Variants in CALB2 observed in about 807,000 individuals in gnomAD.
CALB2 encodes the protein calretinin.
A neutral mutation model predicts 45.9 loss-of-function variants in CALB2; 34 were observed. The ratio of observed to expected loss-of-function variants is 0.74; its 90% CI spans 0.56 to 0.99. The LOEUF is 0.99. CALB2 is among the 50% of genes least tolerant of loss of function. The pLI, the probability that CALB2 is intolerant of heterozygous loss-of-function variation, is 0.00. For missense variants in CALB2, 344 were observed against 339.3 expected (o/e 1.01, Z -0.11); for synonymous variants, 142 against 129.6 (o/e 1.10, Z -0.65).
chr16:71,358,836 A>T lies in CALB2; in HGVS notation c.44A>T (p.Glu15Val). 1 of 1,612,692 alleles carries T rather than the reference A, an allele frequency of 6.2e-7. No individual in the cohort carries two copies. The stretch of plus-strand genomic sequence containing the variant: ...CAGCCCCCTTACCTGCACCTGGCCG[A>T]GCTGACGGCGTCCCAGTTCCTGGAA... ...QQQPPYLHLAELTASQFLEIW... is the reference protein window; with the variant it reads ...QQQPPYLHLAVLTASQFLEIW... The change falls in exon 1 of 11, where the codon GAG (glutamate) becomes GTG (valine). Residue 15 changes from glutamate (E) to valine (V), a missense_variant. Glu to Val is a moderately radical substitution (Grantham distance 121). Around this residue, in one of 3 missense-constraint regions of CALB2, gnomAD observed 77 missense variants for 80.5 expected, o/e 0.96. Transcript: ENST00000302628.
intron 1 of CALB2, among the ~76,000 whole-genome samples, chr16:71,360,848 CTGG>C (rs1223940894): frequency 3.3e-5 from 5 of 152,184 alleles, no homozygotes; most frequent in African/African-American, 7.2e-5. Flanking sequence ...GAGCAAGTTA[CTGG>C]TGGGGCTGGT....
intron 4 of CALB2, among the ~76,000 whole-genome samples, chr16:71,380,434 G>A (rs538650797): frequency 2.5e-4 from 36 of 146,150 alleles, no homozygotes; most frequent in African/African-American, 8.3e-4. Flanking sequence ...TCAGCCTCCC[G>A]CCGAGCTCGG....
chr16:71,361,231 C>T (rs1356002849), intron 1 of CALB2, among the ~76,000 whole-genome samples: 4 of 152,014 alleles, frequency 2.6e-5, no homozygotes, highest in South Asian at 2.1e-4. Flanking sequence ...GCCATGGACC[C>T]GACAGAGAAG....
At chr16:71,379,037 G>A (rs1226974014) in intron 4 of CALB2, among the ~76,000 whole-genome samples, 1 of 152,140 alleles carries the variant, frequency 6.6e-6, no homozygotes, top group Non-Finnish European at 1.5e-5. Flanking sequence ...AGCACTTTGG[G>A]AGGCCAAGGC....
At chr16:71,369,849 G>A (rs892886536) in intron 1 of CALB2, among the ~76,000 whole-genome samples, 3 of 152,252 alleles carry the variant, frequency 2.0e-5, no homozygotes, top group Admixed American at 6.5e-5. Context: ...TAGCCAGATC[G>A]CTGCAGGGAG....
intron 10 of CALB2, among the ~76,000 whole-genome samples, chr16:71,386,419 T>C (rs1255500487): frequency 6.6e-6 from 1 of 152,178 alleles, no homozygotes; most frequent in South Asian, 2.1e-4. Flanking sequence ...CTATTCTGGA[T>C]TGATGAACTG....
chr16:71,381,583 G>T (rs78540307), intron 4 of CALB2, among the ~76,000 whole-genome samples: 2 of 152,108 alleles, frequency 1.3e-5, no homozygotes, highest in Non-Finnish European at 2.9e-5. Context: ...GTGGAGAAGT[G>T]GGGGGAGGCA....
intron 8 of CALB2, 55 bp from the exon 9 acceptor site, chr16:71,384,706 ACACACACACACAAACGCACACC>A (rs2042549400): frequency 8.6e-6 from 7 of 815,348 alleles, no homozygotes; most frequent in Admixed American, 2.5e-5. Flanking sequence ...ACACACATAA[ACACACACACACAAACGCACACC>A]CACACACACA....
intron 9 of CALB2, chr16:71,385,230 C>T (rs2042557003): frequency 5.8e-6 from 2 of 342,508 alleles, no homozygotes; most frequent in Admixed American, 4.2e-5. Context: ...GGGCTGTCCC[C>T]TGCCCACATG....
At chr16:71,378,217 T>G (rs1437334042) in intron 4 of CALB2, among the ~76,000 whole-genome samples, 2 of 151,464 alleles carry the variant, frequency 1.3e-5, no homozygotes, top group Non-Finnish European at 2.9e-5. Flanking sequence ...AGAGAGAGAC[T>G]CCGTCTCAAA....
chr16:71,371,737 G>A (rs573978680), intron 1 of CALB2, among the ~76,000 whole-genome samples: 1 of 152,016 alleles, frequency 6.6e-6, no homozygotes, highest in Non-Finnish European at 1.5e-5. Context: ...TCCAAATAAG[G>A]TCCCATTCTG....
At chr16:71,367,958 C>T (rs2042306647) in intron 1 of CALB2, among the ~76,000 whole-genome samples, 1 of 152,188 alleles carries the variant, frequency 6.6e-6, no homozygotes, top group African/African-American at 2.4e-5. Context: ...TTCCTCCTTC[C>T]TTTCTCTGCC....
In CALB2 at chr16:71,372,177, A is replaced by G; in HGVS notation, c.119A>G (p.Glu40Gly). ...GGAAATGGGTATATTGAAGGTAAAG[A>G]GCTAGAAAACTTTTTCCAAGAGCTG... ...ADGNGYIEGK[E>G]LENFFQELEK... Residue 40 changes from glutamate to glycine, a missense_variant, in exon 2 of 11, where the codon GAG becomes GGG. This residue lies in a region of CALB2 where 77 missense variants were observed against 80.5 expected (regional missense o/e 0.96). Transcript: ENST00000302628. 2.5e-6 allele frequency: 4 copies of G among 1,611,876 alleles called. 1 individual carries two copies. In the African/African-American group the frequency reaches 4.0e-5, roughly 16 times the overall value.
rs555571799 is a variant in CALB2 at position 71,390,112 on chromosome 16, T to C, written c.*247T>C. On this transcript the variant is annotated 3_prime_UTR_variant, in exon 11 of 11. Coordinates refer to ENST00000302628, the MANE Select transcript of CALB2 (RefSeq NM_001740.5). Reference sequence around the variant, plus strand: ...ACACACATGGAAGGTGATGGGGGCATGGGTGGAGGGTCCCTAATTCTCTTC... The same window carrying C: ...ACACACATGGAAGGTGATGGGGGCACGGGTGGAGGGTCCCTAATTCTCTTC... 25 of 488,472 alleles carry C rather than the reference T, an allele frequency of 5.1e-5. No individual in the cohort carries two copies. In the South Asian group the frequency reaches 7.8e-4, roughly 15 times the overall value. 30.3% of individuals were successfully genotyped at this position (488,472 alleles called of 1,614,324 possible).
Position 71,377,699 on chromosome 16 carries a change from C to T in CALB2, c.294C>T (p.Phe98=). ...LAQILPTEEN[F]LLCFRQHVGS... ...AGATCCTGCCAACCGAAGAGAACTT[C>T]CTTCTGTGCTTCAGGCAGCACGTGG... Residue 98 remains phenylalanine, a synonymous_variant, in exon 4 of 11, where the codon TTC becomes TTT. Coordinates refer to ENST00000302628, the MANE Select transcript of CALB2 (RefSeq NM_001740.5). 6.2e-7 allele frequency: 1 copy of T among 1,614,112 alleles called. No homozygotes were observed.
At position 71,382,733 on chromosome 16, in the gene CALB2, C is replaced by G. The variant is rs745974357; in HGVS notation, c.357C>G (p.Tyr119Ter). The G allele has an allele frequency of 8.1e-6, 13 of 1,611,118 alleles. No homozygotes were observed. Among genetic ancestry groups the G allele is most frequent in the Non-Finnish European group, 1.0e-5 (12 of 1,178,836 alleles). ...TGTTGTTGCAGGCTTGGCGGAAGTA[C>G]GACACAGACAGGAGTGGCTACATCG... The part of the protein sequence containing the change: ...SAEFMEAWRK[Y>*]DTDRSGYIEA... Residue 119 changes from tyrosine to a stop codon, truncating the protein, a stop_gained, in exon 5 of 11, where the codon TAC becomes TAG. Coordinates refer to ENST00000302628, the MANE Select transcript of CALB2 (RefSeq NM_001740.5). LOFTEE classifies it high-confidence loss of function.
chr16:71,388,288 C>T (rs907860324), intron 10 of CALB2, among the ~76,000 whole-genome samples: 4 of 139,416 alleles, frequency 2.9e-5, no homozygotes, highest in Non-Finnish European at 4.5e-5. Flanking sequence ...GAGCTGTGAT[C>T]ACGCCATTGC....
intron 1 of CALB2, among the ~76,000 whole-genome samples, chr16:71,359,312 G>T (rs1452556432): frequency 6.6e-6 from 1 of 152,198 alleles, no homozygotes; most frequent in African/African-American, 2.4e-5. Flanking sequence ...CCCTGCTGGA[G>T]GCTGGGATAA....
At chr16:71,367,994 G>A (rs1474205476) in intron 1 of CALB2, among the ~76,000 whole-genome samples, 2 of 152,102 alleles carry the variant, frequency 1.3e-5, no homozygotes, top group African/African-American at 4.8e-5. Context: ...GAGGCTTCTT[G>A]GGAGGTCTTC....
Sources: allele counts gnomAD v4.1 joint callset (sites outside exome capture counted in the v4.1 genomes callset), GRCh38; gene constraint gnomAD v4.1.1; regional missense constraint gnomAD v4.1.1; transcripts MANE v1.5; gene names NCBI Gene and HGNC (gene_info 2026-07-23, HGNC 2026-07-21).